Variants in INPP4B observed in about 807,000 individuals in gnomAD.
INPP4B encodes inositol polyphosphate 4-phosphatase type II.
A neutral mutation model predicts 122.5 loss-of-function variants in INPP4B; 55 were observed. The ratio of observed to expected loss-of-function variants is 0.45; its 90% CI spans 0.36 to 0.56. INPP4B has a LOEUF of 0.56. Among genes scored for constraint, INPP4B ranks in the 20% least tolerant of loss-of-function variants. The pLI is 0.00. For missense variants in INPP4B, 1,000 were observed against 1,097.7 expected (o/e 0.91, Z 1.26); for synonymous variants, 403 against 388.7 (o/e 1.04, Z -0.43).
chr4:142,242,861 G>A (rs964380418), intron 11 of INPP4B, among the ~76,000 whole-genome samples: 4 of 152,162 alleles, frequency 2.6e-5, no homozygotes, highest in Admixed American at 2.6e-4. Flanking sequence ...TGTCTCCCAT[G>A]GGAATATGAG....
At chr4:142,314,603 A>T in intron 8 of INPP4B, 109 bp downstream of exon 8, 1 of 986,024 alleles carries the variant, frequency 1.0e-6, no homozygotes, top group Non-Finnish European at 1.6e-6. Context: ...ACACCCTGTT[A>T]ATGTAATTCA....
At chr4:142,075,868 A>G (rs1317117336) in intron 25 of INPP4B, among the ~76,000 whole-genome samples, 4 of 152,102 alleles carry the variant, frequency 2.6e-5, no homozygotes, top group Non-Finnish European at 5.9e-5. Context: ...AGAATAAGGA[A>G]TTAACTCCAG....
chr4:142,106,022 T>C (rs929153144), intron 23 of INPP4B, among the ~76,000 whole-genome samples: 2 of 152,182 alleles, frequency 1.3e-5, no homozygotes, highest in Non-Finnish European at 2.9e-5. Context: ...CATAATTGTA[T>C]AGATTGGAGT....
At chr4:142,205,976 T>C (rs1579283700) in intron 14 of INPP4B, among the ~76,000 whole-genome samples, 1 of 152,132 alleles carries the variant, frequency 6.6e-6, no homozygotes, top group African/African-American at 2.4e-5. Context: ...ATATTATGGA[T>C]TGAGTAACTT....
chr4:142,448,291 A>G (rs1415618770), intron 3 of INPP4B, among the ~76,000 whole-genome samples: 1 of 148,604 alleles, frequency 6.7e-6, no homozygotes, highest in African/African-American at 2.5e-5. Flanking sequence ...GTGCTTAGAT[A>G]TAAAGTGCCG....
chr4:142,071,781 A>T (rs1421772025), intron 25 of INPP4B, among the ~76,000 whole-genome samples: 1 of 152,234 alleles, frequency 6.6e-6, no homozygotes, highest in Non-Finnish European at 1.5e-5. Context: ...TCAAAACTAC[A>T]ATGAGATACC....
chr4:142,650,206 C>T (rs1176401578), intron 2 of INPP4B, among the ~76,000 whole-genome samples: 2 of 152,126 alleles, frequency 1.3e-5, no homozygotes, highest in Non-Finnish European at 2.9e-5. Flanking sequence ...TGCAAGAGCT[C>T]CTGAAGGAAG....
chr4:142,287,416 C>T (rs1340276268), intron 9 of INPP4B: 1 of 152,110 alleles, frequency 6.6e-6, no homozygotes, highest in East Asian at 1.9e-4. Context: ...CGATTATATC[C>T]CCTTTTCTAT....
chr4:142,201,690 A>C lies in INPP4B; in HGVS notation c.1072+6735T>G, dbSNP rs570741565. Reference sequence around the variant, plus strand: ...AATTGATTGTTTTCCTCCAAAGAGAAAAAAATGTACAAGAAAAAAAAATAA... The same window carrying C: ...AATTGATTGTTTTCCTCCAAAGAGACAAAAATGTACAAGAAAAAAAAATAA... On this transcript the variant is annotated intron_variant, in intron 14 of 25. Coordinates refer to ENST00000262992, the MANE Select transcript of INPP4B (RefSeq NM_001101669.3). Among the ~76,000 whole-genome samples the C allele has an allele frequency of 8.5e-5, 13 of 152,220 alleles. No individual in the cohort carries two copies. The South Asian group carries it at 2.7e-3, about 32-fold the overall frequency.
chr4:142,796,868 A>AGGTGTGTGTGTG (rs1491216113), intron 1 of INPP4B, among the ~76,000 whole-genome samples: 1 of 105,294 alleles, frequency 9.5e-6, no homozygotes, highest in African/African-American at 3.3e-5. Flanking sequence ...CGGAAAACAG[A>AGGTGTGTGTGTG]TGTGTGTGTG....
chr4:142,450,860 T>A (rs1813992373), intron 3 of INPP4B, among the ~76,000 whole-genome samples: 1 of 152,010 alleles, frequency 6.6e-6, no homozygotes, highest in South Asian at 2.1e-4. Flanking sequence ...AAACTTCTAT[T>A]ATTTCTTGAG....
At chr4:142,621,984 AG>A (rs1385600450) in intron 2 of INPP4B, among the ~76,000 whole-genome samples, 3 of 152,064 alleles carry the variant, frequency 2.0e-5, no homozygotes, top group African/African-American at 7.2e-5. Flanking sequence ...AACTTAATGA[AG>A]GTTATACAGT....
chr4:142,706,267 C>T (rs977021450), intron 2 of INPP4B, among the ~76,000 whole-genome samples: 4 of 152,224 alleles, frequency 2.6e-5, no homozygotes, highest in African/African-American at 7.2e-5. Flanking sequence ...ACCCAGAGCA[C>T]AGCTACATTT....
intron 1 of INPP4B, among the ~76,000 whole-genome samples, chr4:142,737,098 T>C (rs1767043739): frequency 6.6e-6 from 1 of 152,114 alleles, no homozygotes; most frequent in South Asian, 2.1e-4. Context: ...CTTCACAGAA[T>C]TGGAAAAAAC....
At chr4:142,109,389 A>G (rs553682677) in intron 22 of INPP4B, among the ~76,000 whole-genome samples, 2 of 152,300 alleles carry the variant, frequency 1.3e-5, no homozygotes, top group African/African-American at 4.8e-5. Context: ...TGGAAAAATT[A>G]ATCTAACCTA....
At chr4:142,376,478 G>T (rs958376746) in intron 7 of INPP4B, among the ~76,000 whole-genome samples, 3 of 152,004 alleles carry the variant, frequency 2.0e-5, no homozygotes, top group Non-Finnish European at 4.4e-5. Context: ...CAATTGAAAG[G>T]TCATCAGAGC....
At chr4:142,766,515 C>T (rs774427180) in intron 1 of INPP4B, among the ~76,000 whole-genome samples, 6 of 151,844 alleles carry the variant, frequency 4.0e-5, no homozygotes, top group South Asian at 2.1e-4. Context: ...GGATTACAGC[C>T]GTGCACCACC....
chr4:142,789,629 G>A (rs956009860), intron 1 of INPP4B, among the ~76,000 whole-genome samples: 1 of 152,010 alleles, frequency 6.6e-6, no homozygotes, highest in Admixed American at 6.6e-5. Context: ...TCATGGATGG[G>A]TAGAATCAAT....
chr4:142,327,803 C>G (rs1374346866), intron 7 of INPP4B, among the ~76,000 whole-genome samples: 1 of 152,144 alleles, frequency 6.6e-6, no homozygotes, highest in Non-Finnish European at 1.5e-5. Flanking sequence ...TAACTTTCAA[C>G]CTGTAAAATA....
Sources: gnomAD v4.1 joint callset for allele counts (sites outside exome capture counted in the v4.1 genomes callset) on GRCh38, gnomAD v4.1.1 for gene constraint, MANE v1.5 for transcripts, NCBI Gene and HGNC (gene_info 2026-07-23, HGNC 2026-07-21) for gene names.